KCNH8: variants seen among roughly 807,000 people sequenced by gnomAD.
KCNH8 encodes the protein potassium voltage-gated channel subfamily H member 8.
Under a neutral mutation model 103.6 loss-of-function variants are expected in KCNH8, and 70 were observed. The observed-to-expected ratio is 0.68, with a 90% CI of 0.56 to 0.82. The LOEUF (loss-of-function observed/expected upper bound fraction) is 0.82. Among genes scored for constraint, KCNH8 ranks in the 40% least tolerant of loss-of-function variants. KCNH8 has a pLI of 0.00. For synonymous variants in KCNH8, 498 were observed against 489.4 expected (o/e 1.02, Z -0.23); for missense variants, 1,217 against 1,329.9 (o/e 0.92, Z 1.32).
At chr3:19,284,630 C>A (rs1286203509) in intron 3 of KCNH8, among the ~76,000 whole-genome samples, 1 of 150,932 alleles carries the variant, frequency 6.6e-6, no homozygotes, top group African/African-American at 2.4e-5. Flanking sequence ...AAACTACCTT[C>A]TTTTTTGGCA....
chr3:19,309,925 C>G (rs909092372), intron 3 of KCNH8, among the ~76,000 whole-genome samples: 1 of 151,920 alleles, frequency 6.6e-6, no homozygotes, highest in African/African-American at 2.4e-5. Context: ...TCTCACCTCT[C>G]CCATCATCTC....
chr3:19,260,476 T>C (rs2064415677), intron 2 of KCNH8, among the ~76,000 whole-genome samples: 1 of 130,874 alleles, frequency 7.6e-6, no homozygotes, highest in Non-Finnish European at 1.6e-5. Context: ...AATATATGTA[T>C]TACTCTATAG....
intron 3 of KCNH8, among the ~76,000 whole-genome samples, chr3:19,297,544 G>A (rs532427515): frequency 2.6e-5 from 4 of 152,284 alleles, no homozygotes; most frequent in South Asian, 2.1e-4. Flanking sequence ...TGAAGTTACA[G>A]TGACATATAT....
intron 1 of KCNH8, among the ~76,000 whole-genome samples, chr3:19,212,091 T>G (rs1268379241): frequency 6.6e-6 from 1 of 152,214 alleles, no homozygotes; most frequent in African/African-American, 2.4e-5. Context: ...ATGGTGTTCC[T>G]TCTCTTGGGA....
intron 3 of KCNH8, among the ~76,000 whole-genome samples, chr3:19,290,659 T>C (rs1288557183): frequency 2.6e-5 from 4 of 152,230 alleles, no homozygotes; most frequent in African/African-American, 4.8e-5. Context: ...CAGTATTTTA[T>C]TGAGGATTTT....
chr3:19,174,314 C>T (rs2063377015), intron 1 of KCNH8, among the ~76,000 whole-genome samples: 1 of 152,120 alleles, frequency 6.6e-6, no homozygotes, highest in Non-Finnish European at 1.5e-5. Flanking sequence ...TTTTCAAATA[C>T]ATTTGAATAA....
chr3:19,359,323 A>G (rs1207788435), intron 5 of KCNH8, among the ~76,000 whole-genome samples: 2 of 151,784 alleles, frequency 1.3e-5, no homozygotes, highest in African/African-American at 4.8e-5. Flanking sequence ...AGATATAACC[A>G]TAATAAATAT....
chr3:19,529,817 G>A (rs1464046382), intron 15 of KCNH8, among the ~76,000 whole-genome samples: 1 of 152,124 alleles, frequency 6.6e-6, no homozygotes. Flanking sequence ...AGGTTCAGGG[G>A]TGTATCCCCA....
chr3:19,154,846 A>T lies in KCNH8; in HGVS notation c.76+6051A>T, dbSNP rs561766494. Reference sequence around the variant, plus strand: ...GAAATCCCAACAGTAAAAGGTAAAGAGTTGGAACTGCTGCAAAGATAGTAT... The same window carrying T: ...GAAATCCCAACAGTAAAAGGTAAAGTGTTGGAACTGCTGCAAAGATAGTAT... On this transcript the variant is annotated intron_variant, in intron 1 of 15. Transcript: ENST00000328405. 3.3e-5 allele frequency among the ~76,000 whole-genome samples: 5 copies of T among 152,298 alleles called. No individual in the cohort carries two copies. In the East Asian group the frequency reaches 7.7e-4, roughly 24 times the overall value.
chr3:19,208,225 G>T (rs1234365681), intron 1 of KCNH8, among the ~76,000 whole-genome samples: 1 of 151,970 alleles, frequency 6.6e-6, no homozygotes, highest in Non-Finnish European at 1.5e-5. Context: ...TAAGCAAAAT[G>T]CTGGCAATTT....
intron 1 of KCNH8, among the ~76,000 whole-genome samples, chr3:19,195,310 T>G (rs143034328): frequency 1.3e-5 from 2 of 152,076 alleles, no homozygotes; most frequent in Admixed American, 1.3e-4. Context: ...GTCAGATTCT[T>G]CCTGTCTCTA....
At chr3:19,497,314 C>G (rs1438366053) in intron 11 of KCNH8, among the ~76,000 whole-genome samples, 1 of 152,124 alleles carries the variant, frequency 6.6e-6, no homozygotes, top group African/African-American at 2.4e-5. Flanking sequence ...TCTTGCTTCT[C>G]TAGTTCCTCT....
At chr3:19,234,808 A>G (rs1263379359) in intron 1 of KCNH8, among the ~76,000 whole-genome samples, 2 of 152,252 alleles carry the variant, frequency 1.3e-5, no homozygotes, top group African/African-American at 4.8e-5. Flanking sequence ...TCACCGCTGA[A>G]TTTGACCTGC....
chr3:19,465,465 C>T (rs922972446), intron 11 of KCNH8, among the ~76,000 whole-genome samples: 4 of 151,880 alleles, frequency 2.6e-5, no homozygotes, highest in Admixed American at 2.0e-4. Context: ...ACCTTGTTAC[C>T]CAAGAGCTCT....
chr3:19,198,905 G>C lies in KCNH8; in HGVS notation c.76+50110G>C, dbSNP rs555740285. Among the ~76,000 whole-genome samples, 7 of 152,086 alleles carry C rather than the reference G, an allele frequency of 4.6e-5. No homozygotes were observed. The South Asian group carries it at 1.2e-3, about 27-fold the overall frequency. On this transcript the variant is annotated intron_variant, in intron 1 of 15. Coordinates refer to ENST00000328405, the MANE Select transcript of KCNH8 (RefSeq NM_144633.3). ...TGTTAGTAAATATAGAAAGAGAATG[G>C]ATGAGAAAAGAGGGGTTTCAAACAA...
intron 1 of KCNH8, among the ~76,000 whole-genome samples, chr3:19,217,835 C>T (rs1415568885): frequency 2.6e-5 from 4 of 152,302 alleles, no homozygotes; most frequent in East Asian, 1.9e-4. Flanking sequence ...TCTAGGCTTT[C>T]TGAGTTAACT....
chr3:19,373,433 T>C lies in KCNH8; in HGVS notation c.812-17048T>C, dbSNP rs542397773. Among the ~76,000 whole-genome samples, 15 of 152,380 alleles carry C rather than the reference T, an allele frequency of 9.8e-5. No homozygotes were observed. The South Asian group carries it at 3.1e-3, about 32-fold the overall frequency. ...TGTAGTATTCTCTGGTGGTAGTTTG[T>C]ATTTTTGTGGGATCGGTGGTTATGT... On this transcript the variant is annotated intron_variant, in intron 5 of 15. Transcript: ENST00000328405.
At chr3:19,285,072 GAGGGAATTGTTTCCTTTGAGTGA>G (rs1575495261) in intron 3 of KCNH8, among the ~76,000 whole-genome samples, 1 of 151,828 alleles carries the variant, frequency 6.6e-6, no homozygotes, top group East Asian at 1.9e-4. Context: ...GAGTGGTTCA[GAGGGAATTGTTTCCTTTGAGTGA>G]AGGAAAATAG....
At chr3:19,202,457 T>C (rs2063672577) in intron 1 of KCNH8, among the ~76,000 whole-genome samples, 1 of 152,090 alleles carries the variant, frequency 6.6e-6, no homozygotes, top group Middle Eastern at 3.2e-3. Flanking sequence ...CCTTTCCAAC[T>C]CCAGTCTCCC....
Sources: gnomAD v4.1 joint callset for allele counts (sites outside exome capture counted in the v4.1 genomes callset) on GRCh38, gnomAD v4.1.1 for gene constraint, MANE v1.5 for transcripts, NCBI Gene and HGNC (gene_info 2026-07-23, HGNC 2026-07-21) for gene names.